TCF4: variants seen among roughly 807,000 people sequenced by gnomAD.
The protein encoded by TCF4 is SL3-3 enhancer factor 2.
A neutral mutation model predicts 82.1 loss-of-function variants in TCF4; 3 were observed. The observed-to-expected ratio is 0.04, with a 90% CI of 0.02 to 0.09. The LOEUF is 0.09. TCF4 is among the 10% of genes least tolerant of loss of function. The probability of loss-of-function intolerance (pLI) is 1.00; values close to 1 mark genes in which losing one functional copy is unlikely to be tolerated. For synonymous variants in TCF4, 276 were observed against 309.6 expected (o/e 0.89, Z 1.14); for missense variants, 518 against 852.7 (o/e 0.61, Z 4.89).
At chr18:55,309,470 A>G (rs1478269687) in intron 8 of TCF4, among the ~76,000 whole-genome samples, 28 of 152,148 alleles carry the variant, frequency 1.8e-4, no homozygotes. Flanking sequence ...ACCTCACTGA[A>G]CAGGCCAGGC....
At chr18:55,498,607 C>T (rs1044871109) in intron 3 of TCF4, among the ~76,000 whole-genome samples, 5 of 152,196 alleles carry the variant, frequency 3.3e-5, no homozygotes, top group African/African-American at 1.2e-4. Context: ...CCCCTTTTTA[C>T]CTCCTCTGAG....
intron 6 of TCF4, among the ~76,000 whole-genome samples, chr18:55,381,583 C>T (rs548287022): frequency 6.6e-6 from 1 of 152,172 alleles, no homozygotes; most frequent in Non-Finnish European, 1.5e-5. Flanking sequence ...TGTGAAATCA[C>T]CTATGAATTT....
chr18:55,543,395 C>T (rs1428227051), intron 3 of TCF4, among the ~76,000 whole-genome samples: 3 of 152,024 alleles, frequency 2.0e-5, no homozygotes, highest in Non-Finnish European at 4.4e-5. Context: ...AAAGATAAGG[C>T]TTCTCCTTAT....
intron 2 of TCF4, among the ~76,000 whole-genome samples, chr18:55,627,697 G>A (rs2097727884): frequency 6.6e-6 from 1 of 151,898 alleles, no homozygotes; most frequent in Non-Finnish European, 1.5e-5. Context: ...CCCAGGAGGT[G>A]GCAGTTGCAG....
chr18:55,344,890 C>T (rs1030499556), intron 8 of TCF4, among the ~76,000 whole-genome samples: 2 of 152,180 alleles, frequency 1.3e-5, no homozygotes, highest in Middle Eastern at 3.4e-3. Context: ...AATACACAAA[C>T]CTTTCATCCA....
intron 3 of TCF4, among the ~76,000 whole-genome samples, chr18:55,466,447 C>T (rs1226827349): frequency 6.6e-6 from 1 of 151,980 alleles, no homozygotes; most frequent in Non-Finnish European, 1.5e-5. Context: ...CAGTGAACTA[C>T]GATTGTGCCA....
chr18:55,542,891 TCTTAA>T (rs564754324), intron 3 of TCF4, among the ~76,000 whole-genome samples: 8 of 152,206 alleles, frequency 5.3e-5, no homozygotes, highest in African/African-American at 1.7e-4. Flanking sequence ...CATCTAAAAC[TCTTAA>T]CTTAGAATCA....
chr18:55,279,557 T>C lies in TCF4; in HGVS notation c.649A>G (p.Met217Val). ...ATSTFPSSFF[M>V]QDGHHSSDPW... ...AGAAGCAGCAGCATCTTACCTTGCA[T>C]GAAGAAGGAGCTAGGGAAAGTGCTG... Residue 217 changes from methionine (M) to valine (V), a missense_variant, in exon 9 of 20, where the codon ATG becomes GTG. By Grantham distance (21) the Met-to-Val change is conservative (BLOSUM62 1). Coordinates refer to ENST00000354452, the MANE Select transcript of TCF4 (RefSeq NM_001083962.2). 1 of 1,613,866 alleles carries C rather than the reference T, an allele frequency of 6.2e-7. No homozygotes were observed. Among genetic ancestry groups the C allele is most frequent in the South Asian group, 1.1e-5 (1 of 91,072 alleles).
intron 6 of TCF4, among the ~76,000 whole-genome samples, chr18:55,362,339 G>GAGGA (rs765447444): frequency 0.089 from 6,111 of 68,414 alleles, 891 homozygotes; most frequent in Admixed American, 0.14. Flanking sequence ...AAAAAAAAAA[G>GAGGA]AGGAAGGAAG....
At chr18:55,501,305 T>C (rs180688937) in intron 3 of TCF4, among the ~76,000 whole-genome samples, 3 of 152,260 alleles carry the variant, frequency 2.0e-5, no homozygotes, top group East Asian at 3.9e-4. Context: ...AAATTACATA[T>C]GATTATACTG....
At chr18:55,473,312 A>G (rs1432318195) in intron 3 of TCF4, among the ~76,000 whole-genome samples, 3 of 152,100 alleles carry the variant, frequency 2.0e-5, no homozygotes, top group African/African-American at 7.2e-5. Context: ...ACAATGGTCT[A>G]CTTCTCCCAA....
intron 3 of TCF4, among the ~76,000 whole-genome samples, chr18:55,465,557 C>T (rs1034237080): frequency 2.7e-5 from 4 of 150,864 alleles, no homozygotes; most frequent in Admixed American, 1.3e-4. Flanking sequence ...AGAAAGCTCT[C>T]GGGACTGCAC....
At chr18:55,447,310 A>C (rs1286708294) in intron 5 of TCF4, among the ~76,000 whole-genome samples, 1 of 152,014 alleles carries the variant, frequency 6.6e-6, no homozygotes, top group Non-Finnish European at 1.5e-5. Flanking sequence ...AAAAAAAAAA[A>C]AATTAGACAT....
At chr18:55,512,659 G>A (rs571923312) in intron 3 of TCF4, among the ~76,000 whole-genome samples, 17 of 152,094 alleles carry the variant, frequency 1.1e-4, no homozygotes, top group Non-Finnish European at 1.8e-4. Context: ...TATCAAAATC[G>A]AGTGGGAGTG....
chr18:55,514,993 T>C (rs1198832524), intron 3 of TCF4, among the ~76,000 whole-genome samples: 2 of 152,176 alleles, frequency 1.3e-5, no homozygotes, highest in African/African-American at 4.8e-5. Flanking sequence ...CATTTGATCC[T>C]GCCCCACTCT....
intron 3 of TCF4, among the ~76,000 whole-genome samples, chr18:55,559,855 A>G (rs2097339673): frequency 6.6e-6 from 1 of 152,142 alleles, no homozygotes; most frequent in Non-Finnish European, 1.5e-5. Context: ...GAATGTTAAC[A>G]TTCACCCAAA....
At chr18:55,606,869 C>T (rs2097702632) in intron 2 of TCF4, among the ~76,000 whole-genome samples, 1 of 152,096 alleles carries the variant, frequency 6.6e-6, no homozygotes, top group African/African-American at 2.4e-5. Flanking sequence ...TGCATATACT[C>T]CCATGGCTAG....
intron 15 of TCF4, among the ~76,000 whole-genome samples, chr18:55,237,442 A>C (rs1472311273): frequency 6.6e-6 from 1 of 151,154 alleles, no homozygotes; most frequent in African/African-American, 2.4e-5. Flanking sequence ...TTCCATAAAG[A>C]ATGTTAGAGA....
chr18:55,612,302 G>C (rs1431120984), intron 2 of TCF4, among the ~76,000 whole-genome samples: 1 of 152,068 alleles, frequency 6.6e-6, no homozygotes, highest in African/African-American at 2.4e-5. Context: ...GGATATGAGG[G>C]GGGAGAGTGA....
Sources: gnomAD v4.1 joint callset for allele counts (sites outside exome capture counted in the v4.1 genomes callset) on GRCh38, gnomAD v4.1.1 for gene constraint, MANE v1.5 for transcripts, NCBI Gene and HGNC (gene_info 2026-07-23, HGNC 2026-07-21) for gene names.